Variants in CPSF7 observed in about 807,000 individuals in gnomAD.
CPSF7 encodes cleavage and polyadenylation specificity factor subunit 7.
CPSF7 carries 1 observed loss-of-function variant against 44.3 expected under a neutral mutation model. The ratio of observed to expected loss-of-function variants is 0.02; its 90% confidence interval spans 0.01 to 0.11. The LOEUF (loss-of-function observed/expected upper bound fraction) is 0.11. Ranked by LOEUF, CPSF7 falls within the 10% of genes least tolerant of loss-of-function variation. The pLI is 1.00. For synonymous variants in CPSF7, 202 were observed against 222.0 expected (o/e 0.91, Z 0.80); for missense variants, 443 against 607.2 (o/e 0.73, Z 2.84).
chr11:61,415,734 T>A lies in CPSF7; in HGVS notation c.989A>T (p.Asp330Val). 1.2e-6 allele frequency: 2 copies of A among 1,614,186 alleles called. No homozygotes were observed. The highest frequency in any genetic ancestry group is 1.7e-6 in the Non-Finnish European group (2 of 1,180,014). ...PSTVSEAEFE[D>V]IMKRNRAISS... ...AATTGCTCTGTTTCGCTTCATGATA[T>A]CTTCAAATTCGGCTTCACTCACTGT... Residue 330 changes from aspartate to valine, a missense_variant, in exon 7 of 10, where the codon GAT becomes GTT. Coordinates refer to ENST00000439958, the MANE Select transcript of CPSF7 (RefSeq NM_001142565.3).
At position 61,411,088 on chromosome 11, in the gene CPSF7, C is replaced by T. The variant is rs762129952; in HGVS notation, c.1244G>A (p.Arg415Gln). The change falls in exon 9 of 10, where the codon CGG becomes CAG. Residue 415 changes from arginine to glutamine, a missense_variant. Arg to Gln is a conservative substitution (Grantham distance 43, BLOSUM62 1). Transcript: ENST00000439958. ...CCGGGACCGGCTAGGTGACCTTTCC[C>T]GGGAGCGATGTCTTTTCCTATTAGA... ...GSSSRKRHRS[R>Q]ERSPSRSRES... The T allele has an allele frequency of 1.9e-6, 3 of 1,610,422 alleles. No homozygotes were observed. Among genetic ancestry groups the T allele is most frequent in the Non-Finnish European group, 2.5e-6 (3 of 1,178,986 alleles).
Position 61,419,963 on chromosome 11 carries a change from G to A in CPSF7, c.509C>T (p.Ala170Val). The change falls in exon 5 of 10, where the codon GCA (alanine) becomes GTA (valine). Residue 170 changes from alanine to valine, a missense_variant. Coordinates refer to ENST00000439958, the MANE Select transcript of CPSF7 (RefSeq NM_001142565.3). ...GACACACTCACGTTTCCGAGCCTGTGCCTCAAACTGTGACAGGTTCTGCCG... is the reference window on the plus strand; with the variant it reads ...GACACACTCACGTTTCCGAGCCTGTACCTCAAACTGTGACAGGTTCTGCCG... Reference protein sequence around the residue: ...ATRQNLSQFEAQARKRIPPRA... With the variant: ...ATRQNLSQFEVQARKRIPPRA... 6.2e-7 allele frequency: 1 copy of A among 1,613,984 alleles called. No individual in the cohort carries two copies. The highest frequency in any genetic ancestry group is 8.5e-7 in the Non-Finnish European group (1 of 1,179,990).
Position 61,415,901 on chromosome 11 carries a change from C to T in CPSF7, c.939-117G>A, listed in dbSNP as rs1251015753. Reference sequence around the variant, plus strand: ...AACAATGCTAGACATCTGTAGCATTCATAACACCTGCTCCCGCATTTAATT... The same window carrying T: ...AACAATGCTAGACATCTGTAGCATTTATAACACCTGCTCCCGCATTTAATT... On this transcript the variant is annotated intron_variant, in intron 6 of 9. Coordinates refer to ENST00000439958, the MANE Select transcript of CPSF7 (RefSeq NM_001142565.3). 4.5e-6 allele frequency: 4 copies of T among 884,408 alleles called. No homozygotes were observed. In the African/African-American group the frequency reaches 6.7e-5, roughly 15 times the overall value. 54.8% of individuals were successfully genotyped at this position (884,408 alleles called of 1,614,324 possible). A position where few individuals can be genotyped will look rare whatever the true frequency, so the allele number is the denominator to read the frequency against.
chr11:61,412,577 C>A (rs1321138566), intron 7 of CPSF7, among the ~76,000 whole-genome samples: 1 of 152,248 alleles, frequency 6.6e-6, no homozygotes, highest in East Asian at 1.9e-4. Flanking sequence ...GCATGAGCCA[C>A]TGCGCCCGGC....
intron 2 of CPSF7, among the ~76,000 whole-genome samples, chr11:61,427,830 A>G (rs1861535957): frequency 6.6e-6 from 1 of 152,200 alleles, no homozygotes; most frequent in Non-Finnish European, 1.5e-5. Context: ...TATGGTTTAT[A>G]ATTTCCATGT....
In CPSF7 at chr11:61,423,026, G is replaced by A. The variant is rs116101716; in HGVS notation, c.55-1418C>T. Reference sequence around the variant, plus strand: ...CACACATCTATAGTCCCAGCTACTCGAGAGGCAGAAGGATCACTCGAGCCC... The same window carrying A: ...CACACATCTATAGTCCCAGCTACTCAAGAGGCAGAAGGATCACTCGAGCCC... On this transcript the variant is annotated intron_variant, in intron 2 of 9. Coordinates refer to ENST00000439958, the MANE Select transcript of CPSF7 (RefSeq NM_001142565.3). 9.6e-3 allele frequency among the ~76,000 whole-genome samples: 1,375 copies of A among 142,882 alleles called. 19 individuals carry two copies. Among genetic ancestry groups the A allele is most frequent in the South Asian group, 0.028 (127 of 4,538 alleles). 93.7% of individuals were successfully genotyped at this position (142,882 alleles called of 152,430 possible).
At chr11:61,419,909 G>A in intron 5 of CPSF7, 40 bp downstream of exon 5, 1 of 1,599,448 alleles carries the variant, frequency 6.3e-7, no homozygotes, top group Non-Finnish European at 8.5e-7. Flanking sequence ...TCATACAGAT[G>A]GTCTCCACGT....
At chr11:61,407,553 C>T (rs1437297505) in intron 9 of CPSF7, among the ~76,000 whole-genome samples, 1 of 152,200 alleles carries the variant, frequency 6.6e-6, no homozygotes. Flanking sequence ...CAAACTCAAC[C>T]TGTTGCAAAA....
At chr11:61,406,908 G>T (rs1312367044) in intron 9 of CPSF7, among the ~76,000 whole-genome samples, 2 of 152,070 alleles carry the variant, frequency 1.3e-5, no homozygotes, top group African/African-American at 4.8e-5. Context: ...CCCCCAAGTA[G>T]CTGGGACTAC....
intron 5 of CPSF7, among the ~76,000 whole-genome samples, chr11:61,419,273 C>T (rs900578776): frequency 6.6e-6 from 1 of 152,198 alleles, no homozygotes; most frequent in Non-Finnish European, 1.5e-5. Flanking sequence ...CCACCCACCT[C>T]GGCCTCTCAA....
At chr11:61,416,754 A>G (rs953132566) in intron 5 of CPSF7, among the ~76,000 whole-genome samples, 1 of 142,068 alleles carries the variant, frequency 7.0e-6, no homozygotes, top group Non-Finnish European at 1.5e-5. Context: ...TTTTCCATCC[A>G]TAACTCCAGA....
At chr11:61,416,664 T>C (rs1317914439) in intron 5 of CPSF7, 145 bp from the exon 6 acceptor site, 7 of 802,750 alleles carry the variant, frequency 8.7e-6, no homozygotes, top group Non-Finnish European at 1.2e-5. Flanking sequence ...TGCCTTTTTT[T>C]TGGCTTCAGA....
intron 7 of CPSF7, among the ~76,000 whole-genome samples, chr11:61,415,348 C>T (rs1860225419): frequency 6.6e-6 from 1 of 152,164 alleles, no homozygotes; most frequent in Non-Finnish European, 1.5e-5. Context: ...ATCTAAAGAT[C>T]AACCACTGAG....
intron 2 of CPSF7, among the ~76,000 whole-genome samples, chr11:61,427,656 A>G (rs989354007): frequency 2.9e-5 from 4 of 140,122 alleles, no homozygotes; most frequent in African/African-American, 5.2e-5. Flanking sequence ...CTGTCTCAAG[A>G]AAAAAAAAAA....
At position 61,411,064 on chromosome 11, in the gene CPSF7, C is replaced by T. The variant is rs775930483; in HGVS notation, c.1268G>A (p.Arg423Gln). Residue 423 changes from arginine (R) to glutamine (Q), a missense_variant, in exon 9 of 10, where the codon CGG becomes CAG. Arg to Gln is a conservative substitution (Grantham distance 43, BLOSUM62 1). Coordinates refer to ENST00000439958, the MANE Select transcript of CPSF7 (RefSeq NM_001142565.3). ...ATCCCGGTGCCTCCTGCTGCTCTCCCGGGACCGGCTAGGTGACCTTTCCCG... is the reference window on the plus strand; with the variant it reads ...ATCCCGGTGCCTCCTGCTGCTCTCCTGGGACCGGCTAGGTGACCTTTCCCG... ...RSRERSPSRS[R>Q]ESSRRHRDLL... is the part of the protein sequence containing the mutation. 6 of 1,613,212 alleles carry T rather than the reference C, an allele frequency of 3.7e-6. No homozygotes were observed. Among genetic ancestry groups the T allele is most frequent in the Admixed American group, 1.7e-5 (1 of 59,810 alleles).
At chr11:61,419,918 G>A (rs758387401) in intron 5 of CPSF7, 31 bp downstream of exon 5, 7 of 1,604,202 alleles carry the variant, frequency 4.4e-6, no homozygotes, top group South Asian at 1.1e-5. Flanking sequence ...TGGTCTCCAC[G>A]TACCCCCTCT....
Position 61,416,378 on chromosome 11 carries a change from G to C in CPSF7, c.665C>G (p.Ala222Gly). The change falls in exon 6 of 10, where the codon GCC (alanine) becomes GGC (glycine). Residue 222 changes from alanine to glycine, a missense_variant. Coordinates refer to ENST00000439958, the MANE Select transcript of CPSF7 (RefSeq NM_001142565.3). Reference sequence around the variant, plus strand: ...TGGGGGCAGACCCATCAGGGGAAGGGCCGAAGGAGGACGATTGAAGTAGGG... The same window carrying C: ...TGGGGGCAGACCCATCAGGGGAAGGCCCGAAGGAGGACGATTGAAGTAGGG... ...VLPYFNRPPS[A>G]LPLMGLPPPP... The C allele has an allele frequency of 1.2e-6, 2 of 1,612,242 alleles. No homozygotes were observed. The highest frequency in any genetic ancestry group is 2.2e-5 in the South Asian group (2 of 90,914).
In CPSF7 at chr11:61,426,833, C is replaced by G. The variant is rs558193854; in HGVS notation, c.54+2349G>C. 3 of 152,390 alleles carry G rather than the reference C, an allele frequency of 2.0e-5. No individual in the cohort carries two copies. In the East Asian group the frequency reaches 5.8e-4, roughly 29 times the overall value. 9.4% of individuals were successfully genotyped at this position (152,390 alleles called of 1,614,324 possible). A position where few individuals can be genotyped will look rare whatever the true frequency, so the allele number is the denominator to read the frequency against. On this transcript the variant is annotated intron_variant, in intron 2 of 9. Transcript: ENST00000439958. The stretch of plus-strand genomic sequence containing the variant: ...ACAAGGTCAAGAGATTGAGACCATC[C>G]TGGCCAACATGGTGAAACCCCGTCT...
At chr11:61,404,932 G>A (rs895080180) in intron 9 of CPSF7, among the ~76,000 whole-genome samples, 3 of 152,134 alleles carry the variant, frequency 2.0e-5, no homozygotes, top group African/African-American at 7.2e-5. Flanking sequence ...AAAAAGCAGT[G>A]ACATCCACTA....
Sources: gnomAD v4.1 joint callset for allele counts (sites outside exome capture counted in the v4.1 genomes callset) on GRCh38, gnomAD v4.1.1 for gene constraint, MANE v1.5 for transcripts, NCBI Gene and HGNC (gene_info 2026-07-23, HGNC 2026-07-21) for gene names.